SLC30A9: variants seen among roughly 807,000 people sequenced by gnomAD.
SLC30A9 encodes proton-coupled zinc antiporter SLC30A9, mitochondrial.
SLC30A9 carries 58 observed loss-of-function variants against 87.5 expected under a neutral mutation model. That is an observed-to-expected ratio of 0.66 (90% CI 0.54 to 0.82). The LOEUF (loss-of-function observed/expected upper bound fraction) is 0.82, where lower values mean the gene tolerates loss of function less well. Among genes scored for constraint, SLC30A9 ranks in the 40% least tolerant of loss-of-function variants. The pLI is 0.00. For synonymous variants in SLC30A9, 234 were observed against 233.0 expected (o/e 1.00, Z -0.04); for missense variants, 557 against 679.1 (o/e 0.82, Z 2.00).
chr4:42,086,275 A>G lies in SLC30A9; in HGVS notation c.*149A>G, dbSNP rs1718923241. 2.3e-6 allele frequency: 1 copy of G among 427,146 alleles called. No individual in the cohort carries two copies. The highest frequency in any genetic ancestry group is 4.0e-5 in the Admixed American group (1 of 25,272). 26.5% of individuals were successfully genotyped at this position (427,146 alleles called of 1,614,324 possible). ...GAAGGAAATATTTTATGTAAAGAGC[A>G]ACTCAGCAGGACACAGAACTAAAAC... On this transcript the variant is annotated 3_prime_UTR_variant, in exon 18 of 18. Transcript: ENST00000264451.
chr4:42,011,496 A>G (rs1441756155), intron 2 of SLC30A9, among the ~76,000 whole-genome samples: 1 of 152,204 alleles, frequency 6.6e-6, no homozygotes, highest in East Asian at 1.9e-4. Flanking sequence ...CAAACTGGCA[A>G]TATGAGATCA....
chr4:42,032,267 A>G lies in SLC30A9; in HGVS notation c.611-3008A>G, dbSNP rs972272428. ...GATTTCAATTTGACATGAGATTTGGATGGGGACACAGGTCCAAACCATGTC... is the reference window on the plus strand; with the variant it reads ...GATTTCAATTTGACATGAGATTTGGGTGGGGACACAGGTCCAAACCATGTC... On this transcript the variant is annotated intron_variant, in intron 6 of 17. Coordinates refer to ENST00000264451, the MANE Select transcript of SLC30A9 (RefSeq NM_006345.4). 1.3e-4 allele frequency among the ~76,000 whole-genome samples: 19 copies of G among 151,404 alleles called. 1 individual carries two copies. Among genetic ancestry groups the G allele is most frequent in the Non-Finnish European group, 2.9e-5 (2 of 67,892 alleles).
At chr4:42,033,251 C>T (rs565280485) in intron 6 of SLC30A9, among the ~76,000 whole-genome samples, 1 of 152,098 alleles carries the variant, frequency 6.6e-6, no homozygotes, top group Admixed American at 6.5e-5. Flanking sequence ...TCAGAGAACT[C>T]TAGCTTCCAT....
chr4:42,077,492 C>T (rs1718602923), intron 16 of SLC30A9, among the ~76,000 whole-genome samples: 1 of 152,062 alleles, frequency 6.6e-6, no homozygotes, highest in African/African-American at 2.4e-5. Flanking sequence ...GCAACCTCCG[C>T]CCCCCAGGTT....
At position 41,996,381 on chromosome 4, in the gene SLC30A9, C is replaced by T. The variant is rs559903184; in HGVS notation, c.110-5235C>T. On this transcript the variant is annotated intron_variant, in intron 1 of 17. Transcript: ENST00000264451. ...AAAGTCCCATTACAGGCGTGAGCCA[C>T]TGCACCTGGCCGAAATTTGAGTATT... 2.6e-5 allele frequency among the ~76,000 whole-genome samples: 4 copies of T among 152,230 alleles called. No homozygotes were observed. In the South Asian group the frequency reaches 8.3e-4, roughly 32 times the overall value.
intron 10 of SLC30A9, among the ~76,000 whole-genome samples, chr4:42,062,407 C>T (rs528489965): frequency 3.9e-5 from 6 of 152,008 alleles, no homozygotes; most frequent in Non-Finnish European, 8.8e-5. Flanking sequence ...ATTGATGAAG[C>T]ATGCTTGAAA....
intron 9 of SLC30A9, 135 bp downstream of exon 9, chr4:42,049,614 C>G: frequency 2.1e-6 from 1 of 467,348 alleles, no homozygotes; most frequent in Non-Finnish European, 3.8e-6. Flanking sequence ...TACTTTTCAG[C>G]AATGAAGTGC....
Position 42,060,746 on chromosome 4 carries a change from TAC to T in SLC30A9, c.896+502_896+503del, listed in dbSNP as rs1413033073. Among the ~76,000 whole-genome samples the T allele has an allele frequency of 2.0e-4, 30 of 152,310 alleles. No individual in the cohort carries two copies. In the East Asian group the frequency reaches 2.1e-3, roughly 11 times the overall value. ...ATTTTGAATCATAGCCATTATTTGA[TAC>T]AGAGATTTTTTTCTATTGCTTCTAT... On this transcript the variant is annotated intron_variant, in intron 10 of 17. Transcript: ENST00000264451.
chr4:42,081,601 A>G (rs898803504), intron 17 of SLC30A9, among the ~76,000 whole-genome samples: 4 of 152,258 alleles, frequency 2.6e-5, no homozygotes, highest in African/African-American at 9.6e-5. Flanking sequence ...TGTGCAAGGT[A>G]GCACAAGATT....
At chr4:42,040,302 G>A (rs891776016) in intron 8 of SLC30A9, among the ~76,000 whole-genome samples, 1 of 152,176 alleles carries the variant, frequency 6.6e-6, no homozygotes, top group African/African-American at 2.4e-5. Context: ...TCATTGGAGG[G>A]ATGTATGTGT....
intron 17 of SLC30A9, among the ~76,000 whole-genome samples, chr4:42,084,021 T>C (rs1718831297): frequency 6.6e-6 from 1 of 152,208 alleles, no homozygotes; most frequent in South Asian, 2.1e-4. Flanking sequence ...TTTGTTTTTA[T>C]AACTGGATGC....
intron 16 of SLC30A9, 76 bp from the exon 17 acceptor site, chr4:42,078,136 T>C (rs1718625907): frequency 1.5e-6 from 1 of 654,520 alleles, no homozygotes; most frequent in Non-Finnish European, 2.6e-6. Flanking sequence ...TATAGGTTTG[T>C]TTTTTTTTAA....
At chr4:42,011,770 A>G (rs1435256913) in intron 2 of SLC30A9, among the ~76,000 whole-genome samples, 1 of 152,248 alleles carries the variant, frequency 6.6e-6, no homozygotes, top group East Asian at 1.9e-4. Flanking sequence ...CATATTCATT[A>G]AAAATGACAG....
chr4:42,027,748 C>G (rs2153136193), intron 6 of SLC30A9, among the ~76,000 whole-genome samples: 1 of 152,206 alleles, frequency 6.6e-6, no homozygotes, highest in South Asian at 2.1e-4. Flanking sequence ...AGAATTTGTT[C>G]ACAAAAATAG....
intron 10 of SLC30A9, among the ~76,000 whole-genome samples, chr4:42,061,787 C>G (rs1158417090): frequency 6.6e-6 from 1 of 152,052 alleles, no homozygotes; most frequent in African/African-American, 2.4e-5. Flanking sequence ...GTAATCCCAG[C>G]TACTCGGGAA....
rs1220137068 is a variant in SLC30A9 at position 42,087,046 on chromosome 4, T to G, written c.*920T>G. ...TATTTAAAAGGCGGCACTACTTATG[T>G]AAATCTGAGCTGTGGGATATTTCTT... On this transcript the variant is annotated 3_prime_UTR_variant, in exon 18 of 18. Coordinates refer to ENST00000264451, the MANE Select transcript of SLC30A9 (RefSeq NM_006345.4). 6.6e-6 allele frequency: 1 copy of G among 152,226 alleles called. No homozygotes were observed. Among genetic ancestry groups the G allele is most frequent in the Non-Finnish European group, 1.5e-5 (1 of 68,042 alleles). 9.4% of individuals were successfully genotyped at this position (152,226 alleles called of 1,614,324 possible). A position where few individuals can be genotyped will look rare whatever the true frequency, so the allele number is the denominator to read the frequency against.
intron 4 of SLC30A9, among the ~76,000 whole-genome samples, chr4:42,021,547 A>G (rs1045780911): frequency 1.2e-4 from 18 of 152,220 alleles, no homozygotes; most frequent in African/African-American, 4.1e-4. Flanking sequence ...GACTTGATGA[A>G]TATATAAGCC....
intron 6 of SLC30A9, among the ~76,000 whole-genome samples, chr4:42,030,764 A>G (rs1716401002): frequency 6.6e-6 from 1 of 152,128 alleles, no homozygotes; most frequent in Non-Finnish European, 1.5e-5. Context: ...CACTACAGAA[A>G]AACACAAAAA....
Position 42,087,635 on chromosome 4 carries a change from G to T in SLC30A9, c.*1509G>T. 1 of 146,170 alleles carries T rather than the reference G, an allele frequency of 6.8e-6. No homozygotes were observed. The highest frequency in any genetic ancestry group is 1.5e-5 in the Non-Finnish European group (1 of 66,862). 9.1% of individuals were successfully genotyped at this position (146,170 alleles called of 1,614,324 possible). ...ACTATTACAGAGTATTTTGCATGCT[G>T]TACATTTTAAGTGAAATAACATTCC... is the stretch of plus-strand genomic sequence containing the variant. On this transcript the variant is annotated 3_prime_UTR_variant, in exon 18 of 18. Coordinates refer to ENST00000264451, the MANE Select transcript of SLC30A9 (RefSeq NM_006345.4).
Sources: gnomAD v4.1 joint callset for allele counts (sites outside exome capture counted in the v4.1 genomes callset) on GRCh38, gnomAD v4.1.1 for gene constraint, MANE v1.5 for transcripts, NCBI Gene and HGNC (gene_info 2026-07-23, HGNC 2026-07-21) for gene names.